TMEM179: variants seen among roughly 807,000 people sequenced by gnomAD.
The protein encoded by TMEM179 is transmembrane protein 179A.
TMEM179 carries 17 observed loss-of-function variants against 22.2 expected under a neutral mutation model. That is an observed-to-expected ratio of 0.77 (90% CI 0.52 to 1.15). TMEM179 has a LOEUF of 1.15. TMEM179 is among the 50% of genes most tolerant of loss of function. The pLI is 0.00. For missense variants in TMEM179, 265 were observed against 313.6 expected (o/e 0.84, Z 1.17); for synonymous variants, 127 against 140.5 (o/e 0.90, Z 0.68).
In TMEM179 at chr14:104,595,726, C is replaced by A. The variant is rs1887000642; in HGVS notation, c.444-483G>T. Among the ~76,000 whole-genome samples the A allele has an allele frequency of 1.3e-5, 2 of 152,216 alleles. No individual in the cohort carries two copies. Among genetic ancestry groups the A allele is most frequent in the Admixed American group, 6.5e-5 (1 of 15,278 alleles). On this transcript the variant is annotated intron_variant, in intron 2 of 3. Coordinates refer to ENST00000556573, the MANE Select transcript of TMEM179 (RefSeq NM_001286389.2). The surrounding 1 kb of genome is among the most constrained non-coding windows in gnomAD (Gnocchi z 5.7). ...CCAGACAGAGATGGAGGTGGCATCC[C>A]CACCAACGCTGCCCAGAAGCTCTGC...
Position 104,604,388 on chromosome 14 carries a change from G to C in TMEM179, c.305+49C>G. On this transcript the variant is annotated intron_variant, in intron 1 of 3. Transcript: ENST00000556573. The surrounding 1 kb of genome is among the most constrained non-coding windows in gnomAD (Gnocchi z 4.6). ...CCTCCCCGGGGAGGTGGGTCTGGGG[G>C]CGCTGGGGGCATGGAAGGGGCGCCG... 6.9e-7 allele frequency: 1 copy of C among 1,441,402 alleles called. No individual in the cohort carries two copies. The highest frequency in any genetic ancestry group is 9.1e-7 in the Non-Finnish European group (1 of 1,103,332). 89.3% of individuals were successfully genotyped at this position (1,441,402 alleles called of 1,614,324 possible).
At chr14:104,596,213 A>C (rs1329035436) in intron 2 of TMEM179, among the ~76,000 whole-genome samples, 1 of 152,220 alleles carries the variant, frequency 6.6e-6, no homozygotes, top group African/African-American at 2.4e-5. Context: ...CTGGGGTTTC[A>C]GGTCTGGGTT....
At position 104,597,266 on chromosome 14, in the gene TMEM179, C is replaced by G. The variant is rs1291640052; in HGVS notation, c.306-139G>C. On this transcript the variant is annotated intron_variant, in intron 1 of 3. Coordinates refer to ENST00000556573, the MANE Select transcript of TMEM179 (RefSeq NM_001286389.2). This position sits in a 1 kb window ranked among gnomAD's most constrained non-coding sequence, Gnocchi z 4.8. ...GGCAACCCCCACCAGCAGCACCCCCCGGACCCTCAGGATTCCTGGGTTGGG... is the reference window on the plus strand; with the variant it reads ...GGCAACCCCCACCAGCAGCACCCCCGGGACCCTCAGGATTCCTGGGTTGGG... 1 of 1,224,450 alleles carries G rather than the reference C, an allele frequency of 8.2e-7. No homozygotes were observed. The highest frequency in any genetic ancestry group is 1.1e-6 in the Non-Finnish European group (1 of 902,222). 75.8% of individuals were successfully genotyped at this position (1,224,450 alleles called of 1,614,324 possible).
At chr14:104,603,015 G>C (rs1284796206) in intron 1 of TMEM179, among the ~76,000 whole-genome samples, 2 of 152,216 alleles carry the variant, frequency 1.3e-5, no homozygotes, top group Non-Finnish European at 2.9e-5. Flanking sequence ...AAAAGAGGGA[G>C]GACAGAGCAG....
In TMEM179 at chr14:104,598,922, A is replaced by C. The variant is rs187136061; in HGVS notation, c.306-1795T>G. ...CGAGGGCAGGACCAGCAGGACTCAC[A>C]CACGTACGCGTGGGGGGTGACCGAG... On this transcript the variant is annotated intron_variant, in intron 1 of 3. Coordinates refer to ENST00000556573, the MANE Select transcript of TMEM179 (RefSeq NM_001286389.2). Among the ~76,000 whole-genome samples, 88 of 152,346 alleles carry C rather than the reference A, an allele frequency of 5.8e-4. 2 individuals carry two copies. In the East Asian group the frequency reaches 0.017, roughly 29 times the overall value.
rs1350966645 is a variant in TMEM179 at position 104,597,286 on chromosome 14, G to A, written c.306-159C>T. Among the ~76,000 whole-genome samples the A allele has an allele frequency of 6.6e-6, 1 of 152,230 alleles. No individual in the cohort carries two copies. Among genetic ancestry groups the A allele is most frequent in the East Asian group, 1.9e-4 (1 of 5,162 alleles). ...CCCCCCGGACCCTCAGGATTCCTGG[G>A]TTGGGCCCTGTGGGGCCTCAAGGAG... On this transcript the variant is annotated intron_variant, in intron 1 of 3. Coordinates refer to ENST00000556573, the MANE Select transcript of TMEM179 (RefSeq NM_001286389.2). The surrounding 1 kb of genome is among the most constrained non-coding windows in gnomAD (Gnocchi z 4.8).
chr14:104,594,577 C>A, intron 3 of TMEM179: 1 of 1,230,584 alleles, frequency 8.1e-7, no homozygotes, highest in Non-Finnish European at 1.0e-6. Context: ...TCCCCACATG[C>A]CTGCATTTCA....
intron 2 of TMEM179, among the ~76,000 whole-genome samples, chr14:104,596,478 C>T (rs1294198361): frequency 6.6e-6 from 1 of 152,216 alleles, no homozygotes; most frequent in Non-Finnish European, 1.5e-5. Flanking sequence ...TCCTCTGCTC[C>T]TGTTCTTCAC....
chr14:104,596,884 A>G (rs1887040695), intron 2 of TMEM179, 106 bp downstream of exon 2: 1 of 1,441,314 alleles, frequency 6.9e-7, no homozygotes, highest in African/African-American at 1.4e-5. Flanking sequence ...CAGGGACCGC[A>G]GACTCAGGAT....
At chr14:104,599,269 C>T (rs968293183) in intron 1 of TMEM179, among the ~76,000 whole-genome samples, 8 of 133,334 alleles carry the variant, frequency 6.0e-5, no homozygotes, top group Non-Finnish European at 1.1e-4. Context: ...AGGTGTGGAC[C>T]ATGGCAATGG....
rs150398119 is a variant in TMEM179, at chr14:104,597,639, C to T, written c.306-512G>A. 2.4e-3 allele frequency among the ~76,000 whole-genome samples: 365 copies of T among 152,228 alleles called. 1 individual carries two copies. Among genetic ancestry groups the T allele is most frequent in the Admixed American group, 3.8e-3 (58 of 15,300 alleles). The stretch of plus-strand genomic sequence containing the variant: ...CCCTCCTAGGAGAGACCCCACCAAG[C>T]GAGCTCCCAGCAGATAACGACACAG... On this transcript the variant is annotated intron_variant, in intron 1 of 3. Transcript: ENST00000556573. The surrounding 1 kb of genome is among the most constrained non-coding windows in gnomAD (Gnocchi z 4.8).
At chr14:104,599,561 A>C (rs936590451) in intron 1 of TMEM179, among the ~76,000 whole-genome samples, 7 of 152,206 alleles carry the variant, frequency 4.6e-5, no homozygotes, top group South Asian at 4.1e-4. Context: ...TCTGAACCCC[A>C]AAATCCATCT....
chr14:104,603,516 G>A (rs1887306753), intron 1 of TMEM179, among the ~76,000 whole-genome samples: 1 of 149,876 alleles, frequency 6.7e-6, no homozygotes, highest in South Asian at 2.1e-4. Flanking sequence ...AGAGGGAGTG[G>A]GTGGGTTCAC....
At chr14:104,600,279 C>T (rs1019228181) in intron 1 of TMEM179, among the ~76,000 whole-genome samples, 31 of 152,232 alleles carry the variant, frequency 2.0e-4, no homozygotes, top group East Asian at 1.5e-3. Flanking sequence ...AACAGGAGCC[C>T]GGCACATGCA....
rs1343401735 is a variant in TMEM179 at position 104,597,961 on chromosome 14, C to G, written c.306-834G>C. 2.6e-5 allele frequency among the ~76,000 whole-genome samples: 4 copies of G among 152,244 alleles called. No individual in the cohort carries two copies. Among genetic ancestry groups the G allele is most frequent in the African/African-American group, 9.6e-5 (4 of 41,456 alleles). The stretch of plus-strand genomic sequence containing the variant: ...AGGAGGCAGGGCCATGAGGAAGGAG[C>G]TCACTTAGGGCTGGGCCACACTGCC... On this transcript the variant is annotated intron_variant, in intron 1 of 3. Coordinates refer to ENST00000556573, the MANE Select transcript of TMEM179 (RefSeq NM_001286389.2). The surrounding 1 kb of genome is among the most constrained non-coding windows in gnomAD (Gnocchi z 4.8).
chr14:104,598,690 C>A (rs1267882195), intron 1 of TMEM179, among the ~76,000 whole-genome samples: 3 of 152,228 alleles, frequency 2.0e-5, no homozygotes, highest in African/African-American at 2.4e-5. Flanking sequence ...GCAGGCGACA[C>A]CAGGCTGCTT....
Position 104,593,185 on chromosome 14 carries a change from A to G in TMEM179, c.*294T>C, listed in dbSNP as rs1467910436. The stretch of plus-strand genomic sequence containing the variant: ...CACATAGGCTGGCCAGTCAGGTCCT[A>G]CTGGGACAGCCAAGGGGCCCTGTGC... On this transcript the variant is annotated 3_prime_UTR_variant, in exon 4 of 4. Coordinates refer to ENST00000556573, the MANE Select transcript of TMEM179 (RefSeq NM_001286389.2). 2.0e-6 allele frequency: 1 copy of G among 488,716 alleles called. No individual in the cohort carries two copies. 30.3% of individuals were successfully genotyped at this position (488,716 alleles called of 1,614,324 possible).
rs1002943261 is a variant in TMEM179 at position 104,591,688 on chromosome 14, G to A, written c.*1791C>T. 14 of 309,626 alleles carry A rather than the reference G, an allele frequency of 4.5e-5. No homozygotes were observed. The highest frequency in any genetic ancestry group is 2.8e-4 in the South Asian group (11 of 39,872). 19.2% of individuals were successfully genotyped at this position (309,626 alleles called of 1,614,324 possible). On this transcript the variant is annotated 3_prime_UTR_variant, in exon 4 of 4. Coordinates refer to ENST00000556573, the MANE Select transcript of TMEM179 (RefSeq NM_001286389.2). Reference sequence around the variant, plus strand: ...GGACCCTCCATGTGGACCCAGGCACGTGGCCTCCAGGAGGCTGGTGCCCAG... The same window carrying A: ...GGACCCTCCATGTGGACCCAGGCACATGGCCTCCAGGAGGCTGGTGCCCAG...
At chr14:104,594,648 G>A (rs754961596) in intron 3 of TMEM179, 1,022 of 1,219,662 alleles carry the variant, frequency 8.4e-4, no homozygotes, top group Non-Finnish European at 1.0e-3. Flanking sequence ...CCTAGGGGGC[G>A]GGGGACGCAG....
Sources: gnomAD v4.1 joint callset for allele counts (sites outside exome capture counted in the v4.1 genomes callset) on GRCh38, gnomAD v4.1.1 for gene constraint, Gnocchi (gnomAD v3.1) non-coding constraint, MANE v1.5 for transcripts, NCBI Gene and HGNC (gene_info 2026-07-23, HGNC 2026-07-21) for gene names.